Variants in VGLL4 observed in about 807,000 individuals in gnomAD.
VGLL4 encodes vestigial like family member 4, also known as transcription cofactor vestigial-like protein 4.
In VGLL4, 7 loss-of-function variants were observed where a neutral mutation model predicts 21.0. That is an observed-to-expected ratio of 0.33 (90% CI 0.19 to 0.63). The LOEUF is 0.63. Among genes scored for constraint, VGLL4 ranks in the 20% least tolerant of loss-of-function variants. The pLI is 0.78. For missense variants in VGLL4, 394 were observed against 425.7 expected (o/e 0.93, Z 0.66); for synonymous variants, 222 against 173.2 (o/e 1.28, Z -2.21).
At chr3:11,566,636 C>G (rs2073542162) in intron 2 of VGLL4, among the ~76,000 whole-genome samples, 1 of 152,182 alleles carries the variant, frequency 6.6e-6, no homozygotes. Context: ...GATGCGGCCA[C>G]TCTCTGCCTC....
intron 3 of VGLL4, among the ~76,000 whole-genome samples, chr3:11,564,408 C>CT (rs1310941403): frequency 1.3e-5 from 2 of 151,306 alleles, no homozygotes; most frequent in Non-Finnish European, 2.9e-5. Flanking sequence ...ACGTAGGACC[C>CT]CCCCACCCGA....
At position 11,574,783 on chromosome 3, in the gene VGLL4, A is replaced by ATGTGTGTGTGTGTGTGTG. The variant is rs768970246; in HGVS notation, c.273-9765_273-9764insCACACACACACACACACA. ...GTACAATTACTGTCAATTCAACTAT[A>ATGTGTGTGTGTGTGTGTG]TATGTGTGTGTGTGTGTGTGTGTGT... is the stretch of plus-strand genomic sequence containing the variant. On this transcript the variant is annotated intron_variant, in intron 2 of 4. Transcript: ENST00000430365. 9.8e-5 allele frequency among the ~76,000 whole-genome samples: 11 copies of ATGTGTGTGTGTGTGTGTG among 111,780 alleles called. No homozygotes were observed. In the South Asian group the frequency reaches 1.0e-3, roughly 10 times the overall value. 73.3% of individuals were successfully genotyped at this position (111,780 alleles called of 152,430 possible).
upstream of VGLL4, among the ~76,000 whole-genome samples, chr3:11,645,841 A>G (rs1342077752): frequency 6.6e-6 from 1 of 151,030 alleles, no homozygotes; most frequent in Non-Finnish European, 1.5e-5. Flanking sequence ...GCATAGTGGC[A>G]TGTGTCTGTA....
At position 11,556,082 on chromosome 3, in the gene VGLL4, C is replaced by CTTT. The variant is rs756026461; in HGVS notation, c.*2471_*2473dup. ...ACGTACACTATGTGGTTTAAGAGCA[C>CTTT]TTTATTATTGTTCTTAAGGCTACTT... On this transcript the variant is annotated 3_prime_UTR_variant, in exon 5 of 5. Coordinates refer to ENST00000430365, the MANE Select transcript of VGLL4 (RefSeq NM_001128219.3). 6.6e-6 allele frequency: 1 copy of CTTT among 152,642 alleles called. No homozygotes were observed. Among genetic ancestry groups the CTTT allele is most frequent in the Non-Finnish European group, 1.5e-5 (1 of 68,036 alleles). The allele number at this position is 152,642 out of a possible 1,614,324, so 9.5% of individuals were successfully genotyped here. A position where few individuals can be genotyped will look rare whatever the true frequency, so the allele number is the denominator to read the frequency against.
At chr3:11,578,724 T>C (rs1486406696) in intron 2 of VGLL4, among the ~76,000 whole-genome samples, 1 of 150,476 alleles carries the variant, frequency 6.6e-6, no homozygotes, top group African/African-American at 2.4e-5. Context: ...AGTAAGAGAT[T>C]TTGAGGCATC....
intron 3 of VGLL4, among the ~76,000 whole-genome samples, chr3:11,560,146 GC>G (rs977645492): frequency 4.6e-5 from 7 of 151,528 alleles, no homozygotes; most frequent in African/African-American, 1.7e-4. Context: ...ACTGGCCACC[GC>G]CCCACCACCA....
chr3:11,702,773 G>A, intron 2 of VGLL4: 1 of 331,432 alleles, frequency 3.0e-6, no homozygotes, highest in Non-Finnish European at 5.4e-6. Context: ...AGTATCCATA[G>A]TTAAGTGCCA....
At chr3:11,701,653 G>A (rs1314789950) in intron 2 of VGLL4, among the ~76,000 whole-genome samples, 1 of 152,098 alleles carries the variant, frequency 6.6e-6, no homozygotes, top group East Asian at 1.9e-4. Context: ...TGTTACTAAT[G>A]AGAAAACTGA....
intron 1 of VGLL4, among the ~76,000 whole-genome samples, chr3:11,608,474 A>G (rs2043577): frequency 0.94 from 142,595 of 152,276 alleles, 66,898 homozygotes; most frequent in African/African-American, 0.95. Context: ...TTGGCCTAAG[A>G]TTTCACAAGA....
At chr3:11,608,922 C>T (rs1315099113) in intron 1 of VGLL4, among the ~76,000 whole-genome samples, 3 of 152,104 alleles carry the variant, frequency 2.0e-5, no homozygotes, top group Admixed American at 1.3e-4. Context: ...AGTGCAGTGG[C>T]GAGATCTTGG....
At chr3:11,680,577 C>T (rs988800496) in intron 2 of VGLL4, among the ~76,000 whole-genome samples, 2 of 152,160 alleles carry the variant, frequency 1.3e-5, no homozygotes, top group African/African-American at 2.4e-5. Context: ...GGGAGGACAT[C>T]GCACAACGTC....
At chr3:11,639,182 G>C (rs1255437293) in intron 1 of VGLL4, among the ~76,000 whole-genome samples, 1 of 152,188 alleles carries the variant, frequency 6.6e-6, no homozygotes, top group Non-Finnish European at 1.5e-5. Context: ...TCAGACCCAG[G>C]TCTCAGCCCC....
chr3:11,714,765 T>C (rs1040850872), intron 1 of VGLL4, among the ~76,000 whole-genome samples: 8 of 152,176 alleles, frequency 5.3e-5, no homozygotes, highest in African/African-American at 1.9e-4. Context: ...TGAATACTTA[T>C]GTGAATAGTT....
intron 1 of VGLL4, among the ~76,000 whole-genome samples, chr3:11,617,919 G>C (rs1187415635): frequency 6.6e-6 from 1 of 152,150 alleles, no homozygotes; most frequent in Non-Finnish European, 1.5e-5. Context: ...TTTTATTCTT[G>C]AAGAAAACTG....
At chr3:11,567,106 T>G (rs1169878599) in intron 2 of VGLL4, among the ~76,000 whole-genome samples, 1 of 152,108 alleles carries the variant, frequency 6.6e-6, no homozygotes, top group Non-Finnish European at 1.5e-5. Flanking sequence ...TCGGCTGTGA[T>G]GTTGTGATGT....
intron 2 of VGLL4, among the ~76,000 whole-genome samples, chr3:11,567,187 CCCATGTAA>C (rs1687638277): frequency 6.6e-6 from 1 of 152,076 alleles, no homozygotes; most frequent in African/African-American, 2.4e-5. Context: ...CCTCGGCGTC[CCCATGTAA>C]CCATGTGGTC....
At position 11,708,733 on chromosome 3, in the gene VGLL4, G is replaced by A. The variant is rs973921258; in HGVS notation, c.-13-5686C>T. Among the ~76,000 whole-genome samples, 89 of 152,050 alleles carry A rather than the reference G, an allele frequency of 5.9e-4. 2 individuals are homozygous for A. The highest frequency in any genetic ancestry group is 5.4e-3 in the Admixed American group (82 of 15,260). On this transcript the variant is annotated intron_variant, in intron 1 of 5. Transcript: ENST00000273038. ...ATCCCAATAATGTCTTATTTCTGTG[G>A]TAGTTTTGCATTAGGATATAGTGAT... is the stretch of plus-strand genomic sequence containing the variant.
chr3:11,626,868 A>G (rs568434311), intron 1 of VGLL4, among the ~76,000 whole-genome samples: 271 of 147,676 alleles, frequency 1.8e-3, no homozygotes, highest in African/African-American at 6.5e-3. Context: ...TGCACAATAC[A>G]GAGAAGTGCT....
intron 1 of VGLL4, among the ~76,000 whole-genome samples, chr3:11,713,067 A>C (rs1473020871): frequency 2.6e-5 from 4 of 152,152 alleles, no homozygotes; most frequent in Non-Finnish European, 5.9e-5. Flanking sequence ...GTCAAGCTAA[A>C]ACCCTGAGGA....
Sources: allele counts gnomAD v4.1 joint callset (sites outside exome capture counted in the v4.1 genomes callset), GRCh38; gene constraint gnomAD v4.1.1; transcripts MANE v1.5; gene names NCBI Gene and HGNC (gene_info 2026-07-23, HGNC 2026-07-21).